The following PCDHA2 variants were observed in gnomAD, a reference collection of about 807,000 sequenced individuals.
PCDHA2 encodes protocadherin alpha-2.
PCDHA2 carries 58 observed loss-of-function variants against 66.0 expected under a neutral mutation model. The observed-to-expected ratio is 0.88, with a 90% CI of 0.71 to 1.09. PCDHA2 has a LOEUF of 1.09. Among genes scored for constraint, PCDHA2 ranks in the 50% least tolerant of loss-of-function variants. The pLI, the probability that PCDHA2 is intolerant of heterozygous loss-of-function variation, is 0.00. For synonymous variants in PCDHA2, 634 were observed against 554.0 expected (o/e 1.14, Z -2.03); for missense variants, 1,267 against 1,242.3 (o/e 1.02, Z -0.30).
At chr5:140,878,274 C>A (rs1273765492) in intron 1 of PCDHA2, among the ~76,000 whole-genome samples, 2 of 152,092 alleles carry the variant, frequency 1.3e-5, no homozygotes, top group Non-Finnish European at 2.9e-5. Context: ...TTTAAAATAG[C>A]CTTCTTGATC....
intron 1 of PCDHA2, among the ~76,000 whole-genome samples, chr5:140,958,381 T>G (rs1554223451): frequency 6.6e-6 from 1 of 152,280 alleles, no homozygotes; most frequent in South Asian, 2.1e-4. Context: ...GCTATTTTCT[T>G]AACAGGTCAT....
chr5:140,809,526 G>C, intron 1 of PCDHA2: 1 of 1,614,078 alleles, frequency 6.2e-7, no homozygotes, highest in Non-Finnish European at 8.5e-7. Context: ...CCTGACTCTA[G>C]GGACAGAGAA....
chr5:140,982,662 T>C (rs1325546785), intron 3 of PCDHA2, 99 bp downstream of exon 3: 4 of 1,476,284 alleles, frequency 2.7e-6, no homozygotes, highest in Admixed American at 2.6e-5. Context: ...CTTTTTCTTT[T>C]ATATTTTTGT....
rs1299546647 is a variant in PCDHA2 at position 140,935,314 on chromosome 5, A to T, written c.2389-43635A>T. 2.0e-5 allele frequency among the ~76,000 whole-genome samples: 3 copies of T among 152,208 alleles called. No homozygotes were observed. In the East Asian group the frequency reaches 5.8e-4, roughly 29 times the overall value. ...TCCGAGGTTTTTACTTAACTTCATC[A>T]ATCTTACATTCCTATTTCTCCCATA... On this transcript the variant is annotated intron_variant, in intron 1 of 3. Transcript: ENST00000526136.
chr5:140,817,541 A>G (rs1766154895), intron 1 of PCDHA2: 1 of 152,236 alleles, frequency 6.6e-6, no homozygotes, highest in Non-Finnish European at 1.5e-5. Context: ...GTTGATTATA[A>G]CACACATCCT....
intron 1 of PCDHA2, among the ~76,000 whole-genome samples, chr5:140,826,476 C>A (rs1486348458): frequency 6.6e-6 from 1 of 152,104 alleles, no homozygotes; most frequent in Non-Finnish European, 1.5e-5. Context: ...AGGCATTTTA[C>A]TGTATATCAG....
intron 1 of PCDHA2, among the ~76,000 whole-genome samples, chr5:140,965,818 A>G (rs1554227859): frequency 2.6e-5 from 4 of 152,344 alleles, no homozygotes; most frequent in African/African-American, 9.6e-5. Flanking sequence ...AGAGCATTTT[A>G]AACATTTAAA....
chr5:140,950,662 C>T (rs1347125277), intron 1 of PCDHA2, among the ~76,000 whole-genome samples: 1 of 152,030 alleles, frequency 6.6e-6, no homozygotes, highest in East Asian at 1.9e-4. Flanking sequence ...CTGAGTTTAT[C>T]AAACATGTAC....
rs1316555766 is a variant in PCDHA2, at chr5:141,011,101, T to C, written c.*1164T>C. 1.3e-5 allele frequency: 2 copies of C among 153,710 alleles called. No homozygotes were observed. The highest frequency in any genetic ancestry group is 2.9e-5 in the Non-Finnish European group (2 of 68,016). The allele number at this position is 153,710 out of a possible 1,614,324, so 9.5% of individuals were successfully genotyped here. A position where few individuals can be genotyped will look rare whatever the true frequency, so the allele number is the denominator to read the frequency against. On this transcript the variant is annotated 3_prime_UTR_variant, in exon 4 of 4. Coordinates refer to ENST00000526136, the MANE Select transcript of PCDHA2 (RefSeq NM_018905.3). ...AATGATCTCTCTTTCTCTCTCTCTC[T>C]CTCTTTTCTAAGAAACAATTATGTG...
At chr5:140,961,652 G>A (rs2095627629) in intron 1 of PCDHA2, among the ~76,000 whole-genome samples, 1 of 152,212 alleles carries the variant, frequency 6.6e-6, no homozygotes, top group Non-Finnish European at 1.5e-5. Context: ...TATGTGGTTA[G>A]TTTGAAGTTA....
intron 1 of PCDHA2, chr5:140,803,644 A>T: frequency 6.2e-7 from 1 of 1,613,020 alleles, no homozygotes; most frequent in Non-Finnish European, 8.5e-7. Context: ...TCATTCCTCA[A>T]TGTTTCCACT....
At chr5:140,877,209 G>C in intron 1 of PCDHA2, 1 of 1,613,794 alleles carries the variant, frequency 6.2e-7, no homozygotes, top group African/African-American at 1.3e-5. Context: ...CAGTTAGCGA[G>C]TTGGTACCGC....
chr5:140,962,512 AATAAT>A (rs2095688598), intron 1 of PCDHA2, among the ~76,000 whole-genome samples: 1 of 152,184 alleles, frequency 6.6e-6, no homozygotes, highest in Admixed American at 6.5e-5. Flanking sequence ...GCCAACTATC[AATAAT>A]ATATTAGTTT....
intron 1 of PCDHA2, among the ~76,000 whole-genome samples, chr5:140,896,063 G>A (rs531616608): frequency 1.4e-3 from 217 of 152,130 alleles, no homozygotes; most frequent in African/African-American, 4.7e-3. Flanking sequence ...CGCCTGCCTC[G>A]GCCTCCCAAC....
intron 1 of PCDHA2, chr5:140,877,040 T>C (rs1252847205): frequency 5.0e-6 from 8 of 1,612,450 alleles, no homozygotes; most frequent in Non-Finnish European, 5.1e-6. Context: ...CTGCAGCCGC[T>C]AGACCACGAG....
rs377029109 is a variant in PCDHA2, at chr5:141,002,346, C to G, written c.2537-7281C>G. On this transcript the variant is annotated intron_variant, in intron 3 of 3. Coordinates refer to ENST00000526136, the MANE Select transcript of PCDHA2 (RefSeq NM_018905.3). Reference sequence around the variant, plus strand: ...CGGGCTGCATCCGCACCCCTTCCCCCACCTCCACTCCTTTCAACTCATTCT... The same window carrying G: ...CGGGCTGCATCCGCACCCCTTCCCCGACCTCCACTCCTTTCAACTCATTCT... Among the ~76,000 whole-genome samples, 17 of 152,370 alleles carry G rather than the reference C, an allele frequency of 1.1e-4. No homozygotes were observed. The East Asian group carries it at 2.7e-3, about 24-fold the overall frequency.
At chr5:140,981,812 A>C (rs1563492177) in intron 2 of PCDHA2, among the ~76,000 whole-genome samples, 1 of 152,052 alleles carries the variant, frequency 6.6e-6, no homozygotes, top group African/African-American at 2.4e-5. Context: ...TTTATGTTCT[A>C]TCTCTGCTTG....
chr5:140,884,305 G>A (rs1223534357), intron 1 of PCDHA2: 2 of 1,613,602 alleles, frequency 1.2e-6, no homozygotes, highest in Non-Finnish European at 1.7e-6. Context: ...CACAGGCTTC[G>A]TCGAGGGCGT....
chr5:140,949,120 T>C (rs782586418), intron 1 of PCDHA2, among the ~76,000 whole-genome samples: 3 of 151,756 alleles, frequency 2.0e-5, no homozygotes, highest in Non-Finnish European at 4.4e-5. Flanking sequence ...ATATTTTTGG[T>C]TTTCCTAGCT....
Sources: gnomAD v4.1 joint callset for allele counts (sites outside exome capture counted in the v4.1 genomes callset) on GRCh38, gnomAD v4.1.1 for gene constraint, MANE v1.5 for transcripts, NCBI Gene and HGNC (gene_info 2026-07-23, HGNC 2026-07-21) for gene names.